The following NPAS3 variants were observed in gnomAD, a reference collection of about 807,000 sequenced individuals.
NPAS3 encodes neuronal PAS domain-containing protein 3.
NPAS3 carries 14 observed loss-of-function variants against 73.1 expected under a neutral mutation model. The observed-to-expected ratio is 0.19, with a 90% CI of 0.13 to 0.30. The LOEUF is 0.30. NPAS3 is among the 10% of genes least tolerant of loss of function. NPAS3 has a pLI of 1.00. For missense variants in NPAS3, 1,096 were observed against 1,250.0 expected (o/e 0.88, Z 1.86); for synonymous variants, 620 against 541.5 (o/e 1.14, Z -2.01).
chr14:33,079,475 C>T (rs377377225), intron 2 of NPAS3, among the ~76,000 whole-genome samples: 12 of 151,696 alleles, frequency 7.9e-5, no homozygotes, highest in East Asian at 1.9e-4. Flanking sequence ...CACGCCAGCA[C>T]GCCCAGCTAA....
intron 3 of NPAS3, among the ~76,000 whole-genome samples, chr14:33,317,218 T>C (rs1032671817): frequency 1.3e-5 from 2 of 152,060 alleles, no homozygotes; most frequent in African/African-American, 2.4e-5. Flanking sequence ...TTGAATAACA[T>C]TAGCTTTTCC....
chr14:33,710,440 C>T (rs751162014), intron 6 of NPAS3, among the ~76,000 whole-genome samples: 2 of 152,216 alleles, frequency 1.3e-5, no homozygotes, highest in Non-Finnish European at 2.9e-5. Context: ...ATCCACCAGA[C>T]TCACTGGAAC....
chr14:33,774,271 T>A (rs8019077), intron 7 of NPAS3, 66 bp from the exon 8 acceptor site: 1,046,559 of 1,342,876 alleles, frequency 0.78, 409,772 homozygotes, highest in East Asian at 0.95. Flanking sequence ...GCATTTCTCA[T>A]AAGAAATGCT....
chr14:33,426,528 T>C (rs558653718), intron 4 of NPAS3, among the ~76,000 whole-genome samples: 3 of 152,094 alleles, frequency 2.0e-5, no homozygotes, highest in African/African-American at 7.2e-5. Context: ...TAGCTGAAGA[T>C]AGTTTGATTA....
At chr14:33,219,469 T>G (rs888597147) in intron 3 of NPAS3, among the ~76,000 whole-genome samples, 5 of 152,196 alleles carry the variant, frequency 3.3e-5, no homozygotes, top group Non-Finnish European at 5.9e-5. Flanking sequence ...TGCTAAAATA[T>G]GTAAAGTATA....
intron 4 of NPAS3, among the ~76,000 whole-genome samples, chr14:33,550,717 G>A (rs992942948): frequency 3.3e-5 from 5 of 152,190 alleles, no homozygotes; most frequent in Admixed American, 1.3e-4. Context: ...TTCAGGACCA[G>A]GTCTCAGGTC....
chr14:33,487,799 C>T (rs572383880), intron 4 of NPAS3, among the ~76,000 whole-genome samples: 1 of 152,240 alleles, frequency 6.6e-6, no homozygotes, highest in East Asian at 1.9e-4. Context: ...CTTCTTTTTG[C>T]TGTGCTACTA....
chr14:33,674,552 T>C (rs80165774), intron 5 of NPAS3, among the ~76,000 whole-genome samples: 109 of 152,332 alleles, frequency 7.2e-4, no homozygotes, highest in Non-Finnish European at 1.3e-3. Context: ...AAGGGATTAT[T>C]TCCATGTAAT....
intron 4 of NPAS3, among the ~76,000 whole-genome samples, chr14:33,541,638 G>A (rs1279510823): frequency 6.6e-6 from 1 of 152,182 alleles, no homozygotes; most frequent in African/African-American, 2.4e-5. Flanking sequence ...TGGGAAGAGT[G>A]TGAACACCTC....
At chr14:33,336,897 T>C (rs1327721395) in intron 3 of NPAS3, among the ~76,000 whole-genome samples, 1 of 152,134 alleles carries the variant, frequency 6.6e-6, no homozygotes, top group Non-Finnish European at 1.5e-5. Flanking sequence ...AGAAATTCTA[T>C]TCAAATATTT....
intron 4 of NPAS3, among the ~76,000 whole-genome samples, chr14:33,401,827 C>A (rs1422177329): frequency 6.6e-6 from 1 of 152,034 alleles, no homozygotes; most frequent in Non-Finnish European, 1.5e-5. Flanking sequence ...ATCCAAAGGC[C>A]TCCATTGCTG....
chr14:33,772,051 A>G (rs140675108), intron 7 of NPAS3, among the ~76,000 whole-genome samples: 61 of 152,314 alleles, frequency 4.0e-4, no homozygotes, highest in African/African-American at 1.3e-3. Flanking sequence ...TTTTCTTCCA[A>G]ATGTGAAATT....
At chr14:33,566,832 G>A (rs1189321805) in intron 5 of NPAS3, among the ~76,000 whole-genome samples, 4 of 152,126 alleles carry the variant, frequency 2.6e-5, no homozygotes, top group Non-Finnish European at 5.9e-5. Context: ...GCAATCCAGT[G>A]ATTTAAGGTA....
chr14:33,249,350 C>CT (rs5807709), intron 3 of NPAS3, among the ~76,000 whole-genome samples: 1 of 147,180 alleles, frequency 6.8e-6, no homozygotes, highest in Non-Finnish European at 1.5e-5. Context: ...TCCCCCCCAC[C>CT]TTTTTTTTTT....
chr14:33,276,463 ATTTATT>A (rs1384995258), intron 3 of NPAS3, among the ~76,000 whole-genome samples: 10 of 152,150 alleles, frequency 6.6e-5, no homozygotes, highest in African/African-American at 2.4e-4. Context: ...GAACAATAAT[ATTTATT>A]TTTAATAATG....
intron 2 of NPAS3, among the ~76,000 whole-genome samples, chr14:33,058,724 T>G (rs750468782): frequency 2.4e-4 from 37 of 152,238 alleles, no homozygotes; most frequent in Non-Finnish European, 4.6e-4. Context: ...GTTTCATATT[T>G]GTGTATGTGT....
chr14:33,417,909 A>G (rs1021592360), intron 4 of NPAS3, among the ~76,000 whole-genome samples: 5 of 152,028 alleles, frequency 3.3e-5, no homozygotes, highest in East Asian at 1.9e-4. Context: ...GAGGACTTCT[A>G]TTTGTTTTCC....
At chr14:33,164,573 A>G (rs2045048750) in intron 2 of NPAS3, among the ~76,000 whole-genome samples, 1 of 152,180 alleles carries the variant, frequency 6.6e-6, no homozygotes, top group South Asian at 2.1e-4. Context: ...TATTCTAGTT[A>G]CTGTTAGTGG....
At chr14:33,063,639 T>C (rs1440405096) in intron 2 of NPAS3, among the ~76,000 whole-genome samples, 2 of 152,212 alleles carry the variant, frequency 1.3e-5, no homozygotes, top group African/African-American at 4.8e-5. Context: ...GTTCCTGCTA[T>C]AAGAGCATAG....
Sources: allele counts gnomAD v4.1 joint callset (sites outside exome capture counted in the v4.1 genomes callset), GRCh38; gene constraint gnomAD v4.1.1; transcripts MANE v1.5; gene names NCBI Gene and HGNC (gene_info 2026-07-23, HGNC 2026-07-21).